Variants in MORC1 observed in about 807,000 individuals in gnomAD.
The protein encoded by MORC1 is MORC family CW-type zinc finger protein 1.
MORC1 carries 59 observed loss-of-function variants against 134.9 expected under a neutral mutation model. The ratio of observed to expected loss-of-function variants is 0.44; its 90% CI spans 0.35 to 0.54. The LOEUF (loss-of-function observed/expected upper bound fraction) is 0.54. Ranked by LOEUF, MORC1 falls within the 20% of genes least tolerant of loss-of-function variation. The pLI, the probability that MORC1 is intolerant of heterozygous loss-of-function variation, is 0.00. For synonymous variants in MORC1, 395 were observed against 391.7 expected (o/e 1.01, Z -0.10); for missense variants, 947 against 1,134.5 (o/e 0.83, Z 2.37).
intron 14 of MORC1, among the ~76,000 whole-genome samples, chr3:109,036,577 A>G (rs754179197): frequency 1.3e-5 from 2 of 152,232 alleles, no homozygotes; most frequent in Non-Finnish European, 2.9e-5. Flanking sequence ...TAACCATGGT[A>G]CCAGCCTTAC....
chr3:108,990,208 C>T (rs1220411737), intron 21 of MORC1, among the ~76,000 whole-genome samples: 1 of 152,008 alleles, frequency 6.6e-6, no homozygotes, highest in African/African-American at 2.4e-5. Context: ...AATATACCTA[C>T]CTTTATGGAA....
chr3:109,038,434 C>A (rs999125153), intron 14 of MORC1, among the ~76,000 whole-genome samples: 2 of 152,148 alleles, frequency 1.3e-5, no homozygotes, highest in African/African-American at 4.8e-5. Context: ...TGAAGCTCTT[C>A]AGTTTAATTA....
chr3:109,033,383 G>A (rs1949289906), intron 15 of MORC1, among the ~76,000 whole-genome samples: 1 of 152,018 alleles, frequency 6.6e-6, no homozygotes, highest in African/African-American at 2.4e-5. Context: ...ATTTTCTTCT[G>A]TACTTTCTTC....
intron 26 of MORC1, among the ~76,000 whole-genome samples, chr3:108,967,779 T>G (rs578159094): frequency 6.6e-6 from 1 of 151,976 alleles, no homozygotes; most frequent in East Asian, 1.9e-4. Context: ...CTGGAACCCA[T>G]GAGTTCAAGA....
chr3:109,007,441 G>T (rs559416342), intron 17 of MORC1, among the ~76,000 whole-genome samples: 1 of 152,268 alleles, frequency 6.6e-6, no homozygotes, highest in South Asian at 2.1e-4. Flanking sequence ...GGTCTGGAAG[G>T]AATTCTGACC....
At chr3:108,971,247 T>C in intron 25 of MORC1, 83 bp downstream of exon 25, 2 of 1,267,648 alleles carry the variant, frequency 1.6e-6, no homozygotes, top group Admixed American at 3.5e-5. Flanking sequence ...TAGGTCCTCT[T>C]ATTGGAAACA....
chr3:109,034,634 T>C (rs1949330800), intron 15 of MORC1, among the ~76,000 whole-genome samples: 1 of 152,220 alleles, frequency 6.6e-6, no homozygotes, highest in Non-Finnish European at 1.5e-5. Flanking sequence ...ATATTAAAAA[T>C]AGAAAGATGG....
At chr3:108,982,756 A>G (rs1441073053) in intron 23 of MORC1, among the ~76,000 whole-genome samples, 7 of 151,282 alleles carry the variant, frequency 4.6e-5, no homozygotes, top group African/African-American at 1.7e-4. Flanking sequence ...AAGAAGAAGA[A>G]AGAAAGAAAC....
intron 20 of MORC1, 32 bp downstream of exon 20, chr3:109,004,785 C>T (rs1472322431): frequency 6.3e-6 from 10 of 1,582,392 alleles, no homozygotes; most frequent in Non-Finnish European, 8.6e-6. Flanking sequence ...AATATTTCTC[C>T]CTTAAATACA....
chr3:108,985,181 T>C (rs1230834641), intron 22 of MORC1, among the ~76,000 whole-genome samples: 1 of 152,162 alleles, frequency 6.6e-6, no homozygotes, highest in Admixed American at 6.5e-5. Context: ...CAGATCCCGA[T>C]GAAAAATGTG....
intron 21 of MORC1, among the ~76,000 whole-genome samples, chr3:108,993,198 C>G (rs1235437576): frequency 1.3e-5 from 2 of 152,152 alleles, no homozygotes; most frequent in East Asian, 3.9e-4. Flanking sequence ...TTTGTTCCTT[C>G]AGCACAACAA....
At chr3:108,996,715 A>G (rs1948240361) in intron 21 of MORC1, among the ~76,000 whole-genome samples, 1 of 152,180 alleles carries the variant, frequency 6.6e-6, no homozygotes, top group African/African-American at 2.4e-5. Flanking sequence ...ACTAATATCA[A>G]AAACAAAAAA....
intron 2 of MORC1, among the ~76,000 whole-genome samples, chr3:109,111,758 G>A (rs188264691): frequency 2.2e-3 from 341 of 152,230 alleles, no homozygotes; most frequent in African/African-American, 7.7e-3. Flanking sequence ...AAACCTGAGC[G>A]TCTCTCCAAA....
intron 8 of MORC1, among the ~76,000 whole-genome samples, chr3:109,073,643 C>A (rs76490304): frequency 0.037 from 5,657 of 152,264 alleles, 354 homozygotes; most frequent in African/African-American, 0.13. Context: ...CTGCAGACTA[C>A]ATTAGGTCCC....
intron 9 of MORC1, among the ~76,000 whole-genome samples, chr3:109,065,320 G>C (rs556777300): frequency 6.6e-6 from 1 of 152,246 alleles, no homozygotes; most frequent in African/African-American, 2.4e-5. Flanking sequence ...ACTTCGATCT[G>C]TTTTCTGTGT....
At chr3:109,114,329 C>T in intron 2 of MORC1, 55 bp downstream of exon 2, 1 of 1,431,796 alleles carries the variant, frequency 7.0e-7, no homozygotes, top group Admixed American at 2.0e-5. Flanking sequence ...TGTAATTAGA[C>T]AAGAGTTATG....
At chr3:109,041,554 T>C (rs1949549922) in intron 14 of MORC1, among the ~76,000 whole-genome samples, 1 of 151,586 alleles carries the variant, frequency 6.6e-6, no homozygotes. Flanking sequence ...CTACTAAAAA[T>C]GCAAAAAAAT....
At chr3:108,990,896 CTT>C (rs1491547749) in intron 21 of MORC1, among the ~76,000 whole-genome samples, 4 of 141,162 alleles carry the variant, frequency 2.8e-5, no homozygotes, top group East Asian at 1.9e-4. Flanking sequence ...ATGTTTCTCT[CTT>C]TCTCTCTCTC....
chr3:109,038,620 T>C (rs536684460), intron 14 of MORC1, among the ~76,000 whole-genome samples: 10 of 152,292 alleles, frequency 6.6e-5, no homozygotes, highest in African/African-American at 2.4e-4. Context: ...TTGTAAAGGG[T>C]GTAAGGAAGG....
Sources: gnomAD v4.1 joint callset for allele counts (sites outside exome capture counted in the v4.1 genomes callset) on GRCh38, gnomAD v4.1.1 for gene constraint, MANE v1.5 for transcripts, NCBI Gene and HGNC (gene_info 2026-07-23, HGNC 2026-07-21) for gene names.